The following LRP2 variants were observed in gnomAD, a reference collection of about 807,000 sequenced individuals.
LRP2 encodes the protein low-density lipoprotein receptor-related protein 2.
LRP2 carries 172 observed loss-of-function variants against 531.0 expected under a neutral mutation model. The observed-to-expected ratio is 0.32, with a 90% CI of 0.29 to 0.37. LRP2 has a LOEUF of 0.37. Ranked by LOEUF, LRP2 falls within the 10% of genes least tolerant of loss-of-function variation. The probability of loss-of-function intolerance (pLI) is 1.00; values close to 1 mark genes in which losing one functional copy is unlikely to be tolerated. For missense variants in LRP2, 5,167 were observed against 5,868.3 expected, an observed-to-expected ratio of 0.88 and a Z score of 3.90; for synonymous variants, 1,992 against 2,027.6, an observed-to-expected ratio of 0.98 and a Z score of 0.47.
In LRP2 at chr2:169,230,823, G is replaced by A. The variant is rs567438200; in HGVS notation, c.5227+891C>T. ...ATAATCCTCCACACACTCTTCAATC[G>A]ACCCAATAAAATATCTCTAGGATGA... On this transcript the variant is annotated intron_variant, in intron 31 of 78. Transcript: ENST00000649046. Among the ~76,000 whole-genome samples, 15 of 151,962 alleles carry A rather than the reference G, an allele frequency of 9.9e-5. 1 individual carries two copies. In the South Asian group the frequency reaches 2.3e-3, roughly 23 times the overall value.
At chr2:169,359,169 T>C (rs1574288322) in intron 1 of LRP2, among the ~76,000 whole-genome samples, 2 of 152,316 alleles carry the variant, frequency 1.3e-5, no homozygotes, top group Admixed American at 1.3e-4. Flanking sequence ...TTTATCTCTT[T>C]ATGCTTACAA....
intron 45 of LRP2, among the ~76,000 whole-genome samples, chr2:169,198,438 T>C (rs1688078039): frequency 6.6e-6 from 1 of 152,124 alleles, no homozygotes; most frequent in Non-Finnish European, 1.5e-5. Flanking sequence ...CAGTTACTGA[T>C]GGCCACTATA....
At chr2:169,162,638 T>G in intron 62 of LRP2, 38 bp from the exon 63 acceptor site, 2 of 1,609,474 alleles carry the variant, frequency 1.2e-6, no homozygotes, top group Non-Finnish European at 1.7e-6. Flanking sequence ...AAACTTTTTC[T>G]TTTATGAAGC....
At chr2:169,230,331 G>C (rs955461105) in intron 31 of LRP2, among the ~76,000 whole-genome samples, 1 of 152,220 alleles carries the variant, frequency 6.6e-6, no homozygotes, top group Non-Finnish European at 1.5e-5. Context: ...AAAATGGCAA[G>C]TGCCAGTCCC....
intron 8 of LRP2, 67 bp downstream of exon 8, chr2:169,290,778 G>T: frequency 6.6e-7 from 1 of 1,524,620 alleles, no homozygotes; most frequent in Non-Finnish European, 9.0e-7. Flanking sequence ...CACTGTATTT[G>T]AACGTCTGTT....
At chr2:169,307,469 AGGATATT>A in intron 3 of LRP2, 72 bp from the exon 4 acceptor site, 1 of 927,342 alleles carries the variant, frequency 1.1e-6, no homozygotes. Flanking sequence ...GTCATTAACA[AGGATATT>A]GGAAAGCATA....
intron 50 of LRP2, 87 bp from the exon 51 acceptor site, chr2:169,182,406 T>C: frequency 5.6e-6 from 9 of 1,597,210 alleles, no homozygotes; most frequent in African/African-American, 1.3e-5. Flanking sequence ...CCAAGCTACC[T>C]GAGAATCACA....
chr2:169,327,172 A>T (rs1203377575), intron 1 of LRP2, among the ~76,000 whole-genome samples: 1 of 73,646 alleles, frequency 1.4e-5, no homozygotes, highest in Non-Finnish European at 2.8e-5. Context: ...CGCCCCGTCC[A>T]GGAGGGAGGT....
chr2:169,345,340 AAAGGCAGCCTTGC>A (rs1685668466), intron 1 of LRP2, among the ~76,000 whole-genome samples: 1 of 152,206 alleles, frequency 6.6e-6, no homozygotes, highest in Non-Finnish European at 1.5e-5. Flanking sequence ...ATAGTAAAGG[AAAGGCAGCCTTGC>A]AAGCTTACCG....
chr2:169,208,272 G>T (rs550541456), intron 38 of LRP2, among the ~76,000 whole-genome samples: 1 of 152,206 alleles, frequency 6.6e-6, no homozygotes, highest in Non-Finnish European at 1.5e-5. Flanking sequence ...TGCATTTGAC[G>T]CACGGGCCAT....
chr2:169,144,094 C>A (rs193232268), intron 70 of LRP2, among the ~76,000 whole-genome samples: 2 of 152,294 alleles, frequency 1.3e-5, no homozygotes, highest in East Asian at 3.9e-4. Flanking sequence ...TTCTAGCCAG[C>A]TCCCATAAGG....
intron 34 of LRP2, among the ~76,000 whole-genome samples, chr2:169,219,216 T>G (rs779348680): frequency 2.8e-4 from 42 of 152,324 alleles, no homozygotes; most frequent in Non-Finnish European, 2.5e-4. Flanking sequence ...GGATTTGGTT[T>G]CCATGTCATC....
At chr2:169,223,232 TG>T (rs368364419) in intron 33 of LRP2, among the ~76,000 whole-genome samples, 80 of 152,324 alleles carry the variant, frequency 5.3e-4, no homozygotes, top group Middle Eastern at 3.4e-3. Context: ...TAGAAACTTT[TG>T]GTTCATGTGG....
rs1242132301 is a variant in LRP2, at chr2:169,168,648, G to C, written c.11526C>G (p.Cys3842Trp). Reference protein sequence around the residue: ...CPTRFPDGAYCQATMFECKNH... With the variant: ...CPTRFPDGAYWQATMFECKNH... Reference sequence around the variant, plus strand: ...TTTTGCATTCGAACATAGTAGCCTGGCAGTATGCACCATCAGGAAAGCGTG... The same window carrying C: ...TTTTGCATTCGAACATAGTAGCCTGCCAGTATGCACCATCAGGAAAGCGTG... The change falls in exon 61 of 79, where the codon TGC (cysteine) becomes TGG (tryptophan). Residue 3842 changes from cysteine (C) to tryptophan (W), a missense_variant. Cys to Trp is a radical substitution (Grantham distance 215). Around this residue, in one of 6 missense-constraint regions of LRP2, gnomAD observed 564 missense variants for 747.7 expected, o/e 0.75. Transcript: ENST00000649046. 2 of 1,614,082 alleles carry C rather than the reference G, an allele frequency of 1.2e-6. No individual in the cohort carries two copies. The highest frequency in any genetic ancestry group is 2.2e-5 in the South Asian group (2 of 91,084).
chr2:169,132,255 T>C (rs1393469859), intron 77 of LRP2, among the ~76,000 whole-genome samples: 2 of 152,238 alleles, frequency 1.3e-5, no homozygotes, highest in Admixed American at 6.5e-5. Context: ...GAAATCTTTA[T>C]TCATACTGAG....
intron 8 of LRP2, among the ~76,000 whole-genome samples, chr2:169,290,246 T>C (rs1261848711): frequency 1.5e-5 from 2 of 129,068 alleles, no homozygotes; most frequent in Non-Finnish European, 3.2e-5. Flanking sequence ...TCAAGGTACA[T>C]AACCCAGGAA....
chr2:169,141,733 G>C (rs1252282805), intron 71 of LRP2, among the ~76,000 whole-genome samples: 5 of 152,164 alleles, frequency 3.3e-5, no homozygotes, highest in African/African-American at 9.7e-5. Flanking sequence ...CCACAGCATG[G>C]AACAAATCTC....
chr2:169,355,913 C>T (rs558601382), intron 1 of LRP2, among the ~76,000 whole-genome samples: 11 of 152,294 alleles, frequency 7.2e-5, no homozygotes, highest in Admixed American at 6.5e-4. Context: ...TTCTTTGAGA[C>T]AGGGTCTCAC....
rs1049494900 is a variant in LRP2, at chr2:169,321,330, A to G, written c.80-446T>C. 4.6e-5 allele frequency among the ~76,000 whole-genome samples: 7 copies of G among 152,200 alleles called. No individual in the cohort carries two copies. The South Asian group carries it at 1.4e-3, about 31-fold the overall frequency. ...AACAATAAAAGGATTAAATTTGTTT[A>G]CATCTTTATATTGACATATTAGTAA... is the stretch of plus-strand genomic sequence containing the variant. On this transcript the variant is annotated intron_variant, in intron 1 of 78. Coordinates refer to ENST00000649046, the MANE Select transcript of LRP2 (RefSeq NM_004525.3).
Sources: allele counts gnomAD v4.1 joint callset (sites outside exome capture counted in the v4.1 genomes callset), GRCh38; gene constraint gnomAD v4.1.1; regional missense constraint gnomAD v4.1.1; transcripts MANE v1.5; gene names NCBI Gene and HGNC (gene_info 2026-07-23, HGNC 2026-07-21).